Variants in CPEB3 observed in about 807,000 individuals in gnomAD.
The protein encoded by CPEB3 is cytoplasmic polyadenylation element-binding protein 3.
In CPEB3, 20 loss-of-function variants were observed where a neutral mutation model predicts 67.2. The ratio of observed to expected loss-of-function variants is 0.30; its 90% confidence interval spans 0.21 to 0.43. CPEB3 has a LOEUF of 0.43. Among genes scored for constraint, CPEB3 ranks in the 20% least tolerant of loss-of-function variants. The pLI is 1.00. For synonymous variants in CPEB3, 376 were observed against 393.1 expected (o/e 0.96, Z 0.51); for missense variants, 746 against 968.6 (o/e 0.77, Z 3.05).
intron 1 of CPEB3, among the ~76,000 whole-genome samples, chr10:92,247,189 C>T (rs1462005902): frequency 6.6e-6 from 1 of 152,112 alleles, no homozygotes; most frequent in Non-Finnish European, 1.5e-5. Context: ...TGTTTTTTTA[C>T]TTAACCATAA....
intron 2 of CPEB3, among the ~76,000 whole-genome samples, chr10:92,195,960 A>G (rs1849220271): frequency 6.6e-6 from 1 of 152,222 alleles, no homozygotes. Context: ...GTCAGTTCCT[A>G]TCACAAATGG....
In CPEB3 at chr10:92,137,652, T is replaced by A; in HGVS notation, c.1453+5377A>T. The A allele has an allele frequency of 5.3e-6, 3 of 566,880 alleles. No individual in the cohort carries two copies. The South Asian group carries it at 6.1e-5, about 11-fold the overall frequency. The allele number at this position is 566,880 out of a possible 1,614,324, so 35.1% of individuals were successfully genotyped here. ...AACTGAGCACACTGTGTGGCTTGTA[T>A]GAAACCCTGATTGTCACCCTAGGCA... On this transcript the variant is annotated intron_variant, in intron 6 of 9. Transcript: ENST00000265997.
chr10:92,267,436 A>G (rs9804247), intron 1 of CPEB3, among the ~76,000 whole-genome samples: 48,142 of 152,084 alleles, frequency 0.32, 7,959 homozygotes, highest in Admixed American at 0.43. Context: ...AAGCAACACA[A>G]GATGAGGTGT....
chr10:92,155,820 A>AC (rs1316072633), intron 4 of CPEB3, among the ~76,000 whole-genome samples: 8 of 152,162 alleles, frequency 5.3e-5, no homozygotes, highest in African/African-American at 1.9e-4. Context: ...AATAAAATCA[A>AC]CCTCACAAAT....
chr10:92,068,938 A>C (rs1276780055), intron 9 of CPEB3, among the ~76,000 whole-genome samples: 2 of 152,196 alleles, frequency 1.3e-5, no homozygotes, highest in Non-Finnish European at 2.9e-5. Flanking sequence ...CTCTAGGGTC[A>C]AGTCAAACAT....
intron 1 of CPEB3, among the ~76,000 whole-genome samples, chr10:92,278,932 T>TA (rs1373066558): frequency 2.0e-5 from 3 of 149,026 alleles, no homozygotes; most frequent in African/African-American, 4.9e-5. Context: ...TTTTTATTAT[T>TA]TTTTTTTTTA....
At chr10:92,194,087 C>T (rs927775184) in intron 2 of CPEB3, among the ~76,000 whole-genome samples, 4 of 151,542 alleles carry the variant, frequency 2.6e-5, no homozygotes, top group African/African-American at 7.3e-5. Flanking sequence ...TGAGACACCG[C>T]GCCCGGCCTA....
At chr10:92,091,720 T>A in intron 8 of CPEB3, 110 bp downstream of exon 8, 1 of 610,994 alleles carries the variant, frequency 1.6e-6, no homozygotes, top group East Asian at 3.1e-5. Flanking sequence ...AGCCTTCTTT[T>A]TGGAGACTAT....
intron 6 of CPEB3, among the ~76,000 whole-genome samples, chr10:92,133,927 T>C (rs575653303): frequency 6.6e-6 from 1 of 152,290 alleles, no homozygotes; most frequent in East Asian, 1.9e-4. Flanking sequence ...ACCACGATTA[T>C]CTCAATAGAT....
chr10:92,060,995 C>T (rs1391437213), intron 9 of CPEB3, among the ~76,000 whole-genome samples: 1 of 152,162 alleles, frequency 6.6e-6, no homozygotes, highest in Admixed American at 6.5e-5. Context: ...CCATATGATT[C>T]AGCAATCCCA....
chr10:92,059,324 T>TCAAAAAAAAAAAA (rs1554877445), intron 9 of CPEB3, among the ~76,000 whole-genome samples: 5 of 22,594 alleles, frequency 2.2e-4, no homozygotes, highest in Non-Finnish European at 3.2e-4. Context: ...TGAAACTCTG[T>TCAAAAAAAAAAAA]CAAAAAAAAA....
intron 4 of CPEB3, among the ~76,000 whole-genome samples, chr10:92,167,333 T>A (rs1460260382): frequency 6.6e-6 from 1 of 152,258 alleles, no homozygotes; most frequent in Non-Finnish European, 1.5e-5. Flanking sequence ...TTTTAGCCTG[T>A]CTCAGCTTTC....
intron 9 of CPEB3, among the ~76,000 whole-genome samples, chr10:92,060,251 T>C (rs1001642707): frequency 3.3e-5 from 5 of 151,222 alleles, no homozygotes; most frequent in African/African-American, 1.2e-4. Context: ...CCCAGCTACT[T>C]GGGAGACTGA....
chr10:92,107,292 A>C (rs956615055), intron 7 of CPEB3, among the ~76,000 whole-genome samples: 20 of 152,216 alleles, frequency 1.3e-4, no homozygotes, highest in African/African-American at 4.8e-4. Flanking sequence ...ATGGTTTTTA[A>C]ATTTATAGCA....
chr10:92,239,250 C>G lies in CPEB3; in HGVS notation c.1005+96G>C. 1 of 1,383,130 alleles carries G rather than the reference C, an allele frequency of 7.2e-7. No homozygotes were observed. The highest frequency in any genetic ancestry group is 9.9e-7 in the Non-Finnish European group (1 of 1,009,534). 85.7% of individuals were successfully genotyped at this position (1,383,130 alleles called of 1,614,324 possible). On this transcript the variant is annotated intron_variant, in intron 2 of 9. Coordinates refer to ENST00000265997, the MANE Select transcript of CPEB3 (RefSeq NM_014912.5). The surrounding 1 kb of genome is among the most constrained non-coding windows in gnomAD (Gnocchi z 6.0). ...GAAAGAGGAGCTGGACATTGCTGCC[C>G]TTTTTAAATATAAGCGGGTGGATGA...
chr10:92,281,295 A>G lies in CPEB3; in HGVS notation c.-12+9631T>C, dbSNP rs79307625. ...GGGTTGGTAGAGACACAATCTCTCT[A>G]TGTTGCCCAGGCTGGTTTTGAACTC... On this transcript the variant is annotated intron_variant, in intron 1 of 9. Transcript: ENST00000265997. 7.5e-3 allele frequency among the ~76,000 whole-genome samples: 1,140 copies of G among 151,062 alleles called. 13 individuals are homozygous for G. Among genetic ancestry groups the G allele is most frequent in the South Asian group, 0.024 (115 of 4,736 alleles).
intron 1 of CPEB3, among the ~76,000 whole-genome samples, chr10:92,284,612 C>T (rs1453665918): frequency 1.3e-5 from 2 of 152,042 alleles, no homozygotes; most frequent in Non-Finnish European, 2.9e-5. Context: ...TTTCTTGGGG[C>T]CTCGGTATAA....
At position 92,291,045 on chromosome 10, in the gene CPEB3, G is replaced by T. The variant is rs1441933018; in HGVS notation, c.-131C>A. ...GCGCCGGCCAGACGGCGGCAGGCGC[G>T]GAGGCGTTGGTCCGGGCGGGCTGTG... is the stretch of plus-strand genomic sequence containing the variant. On this transcript the variant is annotated 5_prime_UTR_variant, in exon 1 of 10. Transcript: ENST00000265997. 4 of 173,850 alleles carry T rather than the reference G, an allele frequency of 2.3e-5. No homozygotes were observed. The highest frequency in any genetic ancestry group is 3.7e-5 in the Non-Finnish European group (3 of 81,842). 10.8% of individuals were successfully genotyped at this position (173,850 alleles called of 1,614,324 possible).
In CPEB3 at chr10:92,049,127, G is replaced by T. The variant is rs1852198772; in HGVS notation, c.*3085C>A. The T allele has an allele frequency of 6.6e-6, 1 of 152,358 alleles. No individual in the cohort carries two copies. The highest frequency in any genetic ancestry group is 1.5e-5 in the Non-Finnish European group (1 of 67,976). The allele number at this position is 152,358 out of a possible 1,614,324, so 9.4% of individuals were successfully genotyped here. On this transcript the variant is annotated 3_prime_UTR_variant, in exon 10 of 10. Coordinates refer to ENST00000265997, the MANE Select transcript of CPEB3 (RefSeq NM_014912.5). ...CAGCATGAAGAAAAGGTACATATTTGACAGTAGAAAAATGATTTCAGTGAA... is the reference window on the plus strand; with the variant it reads ...CAGCATGAAGAAAAGGTACATATTTTACAGTAGAAAAATGATTTCAGTGAA...
Sources: allele counts gnomAD v4.1 joint callset (sites outside exome capture counted in the v4.1 genomes callset), GRCh38; gene constraint gnomAD v4.1.1; non-coding constraint Gnocchi (gnomAD v3.1); transcripts MANE v1.5; gene names NCBI Gene and HGNC (gene_info 2026-07-23, HGNC 2026-07-21).